The following PSMB2 variants were observed in gnomAD, a reference collection of about 807,000 sequenced individuals.
PSMB2 encodes the protein proteasome subunit beta type-2.
In PSMB2, 13 loss-of-function variants were observed where a neutral mutation model predicts 25.7. The ratio of observed to expected loss-of-function variants is 0.51; its 90% CI spans 0.33 to 0.80. The LOEUF is 0.80. Ranked by LOEUF, PSMB2 falls within the 30% of genes least tolerant of loss-of-function variation. PSMB2 has a pLI of 0.02. For missense variants in PSMB2, 202 were observed against 259.0 expected (o/e 0.78, Z 1.51); for synonymous variants, 87 against 96.2 (o/e 0.90, Z 0.56).
intron 3 of PSMB2, among the ~76,000 whole-genome samples, chr1:35,615,149 T>C (rs1650456717): frequency 6.6e-6 from 1 of 152,238 alleles, no homozygotes; most frequent in African/African-American, 2.4e-5. Flanking sequence ...TTTGACTAGA[T>C]AGTAAGATCA....
At position 35,641,522 on chromosome 1, in the gene PSMB2, A is replaced by C; in HGVS notation, c.-90T>G. 3 of 1,575,214 alleles carry C rather than the reference A, an allele frequency of 1.9e-6. No individual in the cohort carries two copies. Among genetic ancestry groups the C allele is most frequent in the Non-Finnish European group, 2.6e-6 (3 of 1,157,556 alleles). On this transcript the variant is annotated 5_prime_UTR_variant, in exon 1 of 6. Coordinates refer to ENST00000373237, the MANE Select transcript of PSMB2 (RefSeq NM_002794.5). Reference sequence around the variant, plus strand: ...CCGGTGAGACAGCACCTCAGAGCGAAGATTGGCGCGACGCCTGCAGCACGA... The same window carrying C: ...CCGGTGAGACAGCACCTCAGAGCGACGATTGGCGCGACGCCTGCAGCACGA...
chr1:35,631,256 G>A lies in PSMB2; in HGVS notation c.285+18C>T. The A allele has an allele frequency of 1.2e-6, 2 of 1,606,502 alleles. No individual in the cohort carries two copies. Among genetic ancestry groups the A allele is most frequent in the Non-Finnish European group, 1.7e-6 (2 of 1,173,094 alleles). On this transcript the variant is annotated intron_variant, in intron 3 of 5. Transcript: ENST00000373237. ...GGATTTTTCTGCTCTATCTAACAAT[G>A]TCTGATATATTACTTACCCGACTCC... is the stretch of plus-strand genomic sequence containing the variant.
chr1:35,602,384 T>C lies in PSMB2; in HGVS notation c.*883A>G, dbSNP rs1198566756. 5 of 152,236 alleles carry C rather than the reference T, an allele frequency of 3.3e-5. No individual in the cohort carries two copies. The highest frequency in any genetic ancestry group is 7.3e-5 in the Non-Finnish European group (5 of 68,034). 9.4% of individuals were successfully genotyped at this position (152,236 alleles called of 1,614,324 possible). A position where few individuals can be genotyped will look rare whatever the true frequency, so the allele number is the denominator to read the frequency against. On this transcript the variant is annotated 3_prime_UTR_variant, in exon 6 of 6. Transcript: ENST00000373237. ...AAGGGGGCATGTGTCTGTATGTATG[T>C]ATACTTTACACAGTAACAGAATATC...
intron 4 of PSMB2, among the ~76,000 whole-genome samples, chr1:35,606,434 A>G (rs1345984345): frequency 2.0e-5 from 3 of 152,220 alleles, no homozygotes; most frequent in African/African-American, 7.2e-5. Context: ...AGGCAATCCC[A>G]TTTACAATAG....
rs1240004791 is a variant in PSMB2, at chr1:35,602,262, G to A, written c.*1005C>T. 6.6e-6 allele frequency: 1 copy of A among 152,172 alleles called. No homozygotes were observed. Among genetic ancestry groups the A allele is most frequent in the East Asian group, 1.9e-4 (1 of 5,168 alleles). 9.4% of individuals were successfully genotyped at this position (152,172 alleles called of 1,614,324 possible). On this transcript the variant is annotated 3_prime_UTR_variant, in exon 6 of 6. Coordinates refer to ENST00000373237, the MANE Select transcript of PSMB2 (RefSeq NM_002794.5). Reference sequence around the variant, plus strand: ...TGGGAGGATCACTTGGGCCCGGGAGGCGGAGGTTGCAGTGAGCCAAGATTA... The same window carrying A: ...TGGGAGGATCACTTGGGCCCGGGAGACGGAGGTTGCAGTGAGCCAAGATTA...
chr1:35,627,381 C>A (rs1374586259), intron 3 of PSMB2, among the ~76,000 whole-genome samples: 1 of 151,766 alleles, frequency 6.6e-6, no homozygotes, highest in Non-Finnish European at 1.5e-5. Flanking sequence ...GTGGGCTGGG[C>A]ATGGTGGCTC....
At chr1:35,628,589 AAAAAAAAATAT>A (rs1364919902) in intron 3 of PSMB2, among the ~76,000 whole-genome samples, 26 of 21,406 alleles carry the variant, frequency 1.2e-3, no homozygotes, top group African/African-American at 4.2e-3. Context: ...AAAAAAAAAA[AAAAAAAAATAT>A]ATATATATAT....
intron 3 of PSMB2, among the ~76,000 whole-genome samples, chr1:35,622,703 CA>C (rs892771166): frequency 2.6e-5 from 4 of 151,238 alleles, no homozygotes; most frequent in African/African-American, 9.7e-5. Context: ...AGTGAGAAAG[CA>C]ACACCTTCTC....
At position 35,601,891 on chromosome 1, in the gene PSMB2, G is replaced by C. The variant is rs1650012489; in HGVS notation, c.*1376C>G. The C allele has an allele frequency of 3.0e-6, 3 of 985,290 alleles. No individual in the cohort carries two copies. In the Admixed American group the frequency reaches 1.8e-4, roughly 61 times the overall value. 61.0% of individuals were successfully genotyped at this position (985,290 alleles called of 1,614,324 possible). ...ATTGTTCCCTAAAGTTATGCTAAGA[G>C]TAAAACGAGTAACTGGTTAACTGCC... On this transcript the variant is annotated 3_prime_UTR_variant, in exon 6 of 6. Transcript: ENST00000373237.
chr1:35,628,596 AATATAT>A (rs869040203), intron 3 of PSMB2, among the ~76,000 whole-genome samples: 17 of 25,092 alleles, frequency 6.8e-4, no homozygotes, highest in Admixed American at 1.6e-3. Context: ...AAAAAAAAAA[AATATAT>A]ATATATATAT....
At chr1:35,620,889 C>T (rs1336773279) in intron 3 of PSMB2, among the ~76,000 whole-genome samples, 1 of 151,992 alleles carries the variant, frequency 6.6e-6, no homozygotes, top group African/African-American at 2.4e-5. Flanking sequence ...TGGTCTCGAA[C>T]TCCTGGCCTC....
chr1:35,602,049 T>G lies in PSMB2; in HGVS notation c.*1218A>C. 1 of 661,030 alleles carries G rather than the reference T, an allele frequency of 1.5e-6. No homozygotes were observed. Among genetic ancestry groups the G allele is most frequent in the Non-Finnish European group, 1.9e-6 (1 of 534,110 alleles). 40.9% of individuals were successfully genotyped at this position (661,030 alleles called of 1,614,324 possible). A position where few individuals can be genotyped will look rare whatever the true frequency, so the allele number is the denominator to read the frequency against. On this transcript the variant is annotated 3_prime_UTR_variant, in exon 6 of 6. Transcript: ENST00000373237. ...AATATGCAGAACTTAAAAATACTTT[T>G]TAGCCGGGCACGGTGGCTCACGCCT...
At chr1:35,640,924 G>A (rs904557283) in intron 1 of PSMB2, among the ~76,000 whole-genome samples, 1 of 152,144 alleles carries the variant, frequency 6.6e-6, no homozygotes, top group African/African-American at 2.4e-5. Flanking sequence ...CTGTCTGCCT[G>A]TTTCGCCTGT....
chr1:35,620,367 T>G (rs1650643583), intron 3 of PSMB2, among the ~76,000 whole-genome samples: 1 of 152,142 alleles, frequency 6.6e-6, no homozygotes, highest in Non-Finnish European at 1.5e-5. Flanking sequence ...GGCCCCTCAT[T>G]GGTCTCCCCG....
chr1:35,630,959 C>A (rs1284803475), intron 3 of PSMB2, among the ~76,000 whole-genome samples: 4 of 152,130 alleles, frequency 2.6e-5, no homozygotes, highest in South Asian at 4.1e-4. Context: ...CTTTATACTT[C>A]TTCTCAATTT....
intron 3 of PSMB2, among the ~76,000 whole-genome samples, chr1:35,619,603 A>G (rs903455659): frequency 6.6e-6 from 1 of 152,358 alleles, no homozygotes; most frequent in Non-Finnish European, 1.5e-5. Flanking sequence ...AACCAAAAAA[A>G]TTTAAATATT....
At chr1:35,617,220 G>T (rs1226050705) in intron 3 of PSMB2, among the ~76,000 whole-genome samples, 1 of 152,128 alleles carries the variant, frequency 6.6e-6, no homozygotes, top group Non-Finnish European at 1.5e-5. Flanking sequence ...GGCTAATTTT[G>T]TATTTTTAGT....
At chr1:35,636,266 C>T in intron 2 of PSMB2, 44 bp downstream of exon 2, 1 of 1,608,454 alleles carries the variant, frequency 6.2e-7, no homozygotes, top group South Asian at 1.1e-5. Flanking sequence ...TAATGGCAGC[C>T]CTAGTAAACT....
In PSMB2 at chr1:35,600,978, T is replaced by C. The variant is rs1204257714; in HGVS notation, c.*2289A>G. On this transcript the variant is annotated 3_prime_UTR_variant, in exon 6 of 6. Coordinates refer to ENST00000373237, the MANE Select transcript of PSMB2 (RefSeq NM_002794.5). ...GGTGCTATTTCAGTCATTGTACAGA[T>C]GGGAAAATCATGTAGCAGGATAGTC... 2.0e-6 allele frequency: 2 copies of C among 984,174 alleles called. No homozygotes were observed. The highest frequency in any genetic ancestry group is 2.3e-4 in the East Asian group (2 of 8,778). 61.0% of individuals were successfully genotyped at this position (984,174 alleles called of 1,614,324 possible). A position where few individuals can be genotyped will look rare whatever the true frequency, so the allele number is the denominator to read the frequency against.
Sources: gnomAD v4.1 joint callset for allele counts (sites outside exome capture counted in the v4.1 genomes callset) on GRCh38, gnomAD v4.1.1 for gene constraint, MANE v1.5 for transcripts, NCBI Gene and HGNC (gene_info 2026-07-23, HGNC 2026-07-21) for gene names.